The following SPATA13 variants were observed in gnomAD, a reference collection of about 807,000 sequenced individuals.
The protein encoded by SPATA13 is spermatogenesis-associated protein 13.
SPATA13 carries 50 observed loss-of-function variants against 104.0 expected under a neutral mutation model. The ratio of observed to expected loss-of-function variants is 0.48; its 90% confidence interval spans 0.38 to 0.61. SPATA13 has a LOEUF of 0.61. Ranked by LOEUF, SPATA13 falls within the 20% of genes least tolerant of loss-of-function variation. The probability of loss-of-function intolerance (pLI) is 0.00; values close to 1 mark genes in which losing one functional copy is unlikely to be tolerated. For missense variants in SPATA13, 1,524 were observed against 1,690.6 expected, an observed-to-expected ratio of 0.90 and a Z score of 1.73; for synonymous variants, 606 against 667.5, an observed-to-expected ratio of 0.91 and a Z score of 1.42.
intron 2 of SPATA13, among the ~76,000 whole-genome samples, chr13:24,248,783 G>A (rs1466914841): frequency 2.6e-5 from 4 of 152,150 alleles, no homozygotes; most frequent in Non-Finnish European, 4.4e-5. Flanking sequence ...GAACAGCAGT[G>A]GATGGCATTA....
intron 3 of SPATA13, among the ~76,000 whole-genome samples, chr13:24,024,555 T>C (rs1877122029): frequency 6.6e-6 from 1 of 152,110 alleles, no homozygotes; most frequent in Admixed American, 6.6e-5. Flanking sequence ...AGGGCCCTGC[T>C]GGTGGCCACA....
At chr13:24,218,015 C>T (rs148876120) in intron 1 of SPATA13, among the ~76,000 whole-genome samples, 73 of 152,348 alleles carry the variant, frequency 4.8e-4, no homozygotes, top group East Asian at 4.4e-3. Context: ...AGACAAAACT[C>T]GCAAAGGCAT....
At chr13:24,294,393 C>T (rs1196342664) in intron 9 of SPATA13, among the ~76,000 whole-genome samples, 2 of 152,180 alleles carry the variant, frequency 1.3e-5, no homozygotes, top group Non-Finnish European at 2.9e-5. Flanking sequence ...GAATCAGAGC[C>T]ATAATAAAGA....
At chr13:24,055,513 G>A (rs778676846) in intron 3 of SPATA13, among the ~76,000 whole-genome samples, 11 of 152,182 alleles carry the variant, frequency 7.2e-5, no homozygotes, top group Non-Finnish European at 1.2e-4. Flanking sequence ...AACAGTGCCC[G>A]AAGCACCTTT....
At chr13:24,023,837 G>A (rs144753088) in intron 3 of SPATA13, among the ~76,000 whole-genome samples, 19 of 152,300 alleles carry the variant, frequency 1.2e-4, no homozygotes, top group East Asian at 7.7e-4. Flanking sequence ...TTTAACCTGC[G>A]AGACCCCTGT....
At chr13:24,239,693 TAAAAAAAAAAAAA>T (rs55881452) in intron 2 of SPATA13, among the ~76,000 whole-genome samples, 3 of 46,938 alleles carry the variant, frequency 6.4e-5, no homozygotes, top group African/African-American at 1.5e-4. Flanking sequence ...AGACCATATC[TAAAAAAAAAAAAA>T]AAAAAAAAAA....
chr13:24,085,417 G>A (rs749724313), intron 3 of SPATA13, among the ~76,000 whole-genome samples: 4 of 152,230 alleles, frequency 2.6e-5, no homozygotes, highest in South Asian at 2.1e-4. Flanking sequence ...GTGAGCCACC[G>A]CGTCCAGCTT....
chr13:24,157,273 C>G (rs1309649138), upstream of SPATA13, among the ~76,000 whole-genome samples: 1 of 148,644 alleles, frequency 6.7e-6, no homozygotes, highest in East Asian at 2.0e-4. Flanking sequence ...TCCAACCAGT[C>G]AGGTAACTCC....
rs1490841965 is a variant in SPATA13 at position 24,103,543 on chromosome 13, AAGAG to A, written c.-112+85854_-112+85857del. Among the ~76,000 whole-genome samples the A allele has an allele frequency of 1.7e-3, 240 of 140,760 alleles. 1 individual carries two copies. Among genetic ancestry groups the A allele is most frequent in the African/African-American group, 6.7e-3 (228 of 33,838 alleles). 92.3% of individuals were successfully genotyped at this position (140,760 alleles called of 152,430 possible). ...CAGGGGAGGAGAGAGAGAGAGAGAG[AAGAG>A]AGAGAGAGAGAAGAAAATACATATG... On this transcript the variant is annotated intron_variant, in intron 3 of 14. Coordinates refer to the SPATA13 transcript ENST00000424834.
intron 1 of SPATA13, among the ~76,000 whole-genome samples, chr13:24,209,190 G>A (rs547982516): frequency 6.6e-6 from 1 of 152,310 alleles, no homozygotes; most frequent in South Asian, 2.1e-4. Context: ...AATTCGACTT[G>A]AACACAGATG....
intron 1 of SPATA13, among the ~76,000 whole-genome samples, chr13:24,220,454 C>G (rs1871517581): frequency 6.6e-6 from 1 of 152,224 alleles, no homozygotes; most frequent in Non-Finnish European, 1.5e-5. Context: ...TAAACAATCT[C>G]ATTCATTTCA....
chr13:24,008,146 C>T (rs1876313991), intron 2 of SPATA13, among the ~76,000 whole-genome samples: 1 of 152,344 alleles, frequency 6.6e-6, no homozygotes, highest in African/African-American at 2.4e-5. Flanking sequence ...AGCTTGTGAC[C>T]ACAGCCACAC....
chr13:24,198,573 A>G (rs1257363267), intron 1 of SPATA13, among the ~76,000 whole-genome samples: 2 of 152,208 alleles, frequency 1.3e-5, no homozygotes, highest in Non-Finnish European at 2.9e-5. Flanking sequence ...TAGAGGTATG[A>G]TTATTAATCT....
rs186858254 is a variant in SPATA13, at chr13:24,230,884, G to T, written c.1653+6302G>T. ...TAAGTGGTGGAAAGTCAGTGACATT[G>T]TCAGGGCAGGGACTCAGAGGGACAT... On this transcript the variant is annotated intron_variant, in intron 2 of 12. Coordinates refer to ENST00000382108, the MANE Select transcript of SPATA13 (RefSeq NM_001166271.3). Among the ~76,000 whole-genome samples, 241 of 152,296 alleles carry T rather than the reference G, an allele frequency of 1.6e-3. 2 individuals are homozygous for T. Among genetic ancestry groups the T allele is most frequent in the African/African-American group, 5.5e-3 (229 of 41,548 alleles).
chr13:24,244,156 C>G (rs1473717946), intron 2 of SPATA13, among the ~76,000 whole-genome samples: 4 of 152,194 alleles, frequency 2.6e-5, no homozygotes, highest in Admixed American at 6.5e-5. Flanking sequence ...CTCTGTCCTC[C>G]CATGACTTCC....
chr13:24,065,289 T>A (rs1878913069), intron 3 of SPATA13, among the ~76,000 whole-genome samples: 2 of 152,038 alleles, frequency 1.3e-5, no homozygotes, highest in African/African-American at 4.8e-5. Flanking sequence ...TGTGCTGAGC[T>A]TCAGAGTGGG....
intron 3 of SPATA13, among the ~76,000 whole-genome samples, chr13:24,113,406 C>G (rs926952083): frequency 3.3e-5 from 5 of 151,940 alleles, no homozygotes; most frequent in African/African-American, 9.7e-5. Context: ...AGTTCAAGAC[C>G]AGCCTGGCCA....
chr13:24,229,385 GCAA>G (rs1872132613), intron 2 of SPATA13, among the ~76,000 whole-genome samples: 1 of 152,146 alleles, frequency 6.6e-6, no homozygotes, highest in Admixed American at 6.5e-5. Context: ...AAGATCCCTG[GCAA>G]CCGGGGCAAA....
chr13:24,265,092 C>A (rs1430890501), intron 4 of SPATA13, among the ~76,000 whole-genome samples: 2 of 152,220 alleles, frequency 1.3e-5, no homozygotes, highest in African/African-American at 4.8e-5. Flanking sequence ...TGTCTTGAAG[C>A]AGGCCGGGGC....
Sources: allele counts gnomAD v4.1 joint callset (sites outside exome capture counted in the v4.1 genomes callset), GRCh38; gene constraint gnomAD v4.1.1; transcripts MANE v1.5; gene names NCBI Gene and HGNC (gene_info 2026-07-23, HGNC 2026-07-21).